Variants in KMT2C observed in about 807,000 individuals in gnomAD.
The protein encoded by KMT2C is lysine methyltransferase 2C, also known as histone-lysine N-methyltransferase 2C.
In KMT2C, 88 loss-of-function variants were observed where a neutral mutation model predicts 507.9. That is an observed-to-expected ratio of 0.17 (90% CI 0.15 to 0.21). The LOEUF is 0.21. Ranked by LOEUF, KMT2C falls within the 10% of genes least tolerant of loss-of-function variation. The pLI, the probability that KMT2C is intolerant of heterozygous loss-of-function variation, is 1.00. For synonymous variants in KMT2C, 2,049 were observed against 2,080.8 expected (o/e 0.98, Z 0.42); for missense variants, 4,954 against 5,957.8 (o/e 0.83, Z 5.55).
rs1227539104 is a variant in KMT2C, at chr7:152,146,731, G to A, written c.13899C>T (p.Val4633=). The change falls in exon 53 of 59, where the codon GTC becomes GTT. Residue 4633 remains valine (V), a synonymous_variant. Transcript: ENST00000262189. ...LVLSDISPKG[V]WDKILEPVAC... Reference sequence around the variant, plus strand: ...CCACAGGCTCCAAAATCTTATCCCAGACACCTACACAGGGACAAAAACATA... The same window carrying A: ...CCACAGGCTCCAAAATCTTATCCCAAACACCTACACAGGGACAAAAACATA... 1.6e-5 allele frequency: 26 copies of A among 1,613,510 alleles called. No individual in the cohort carries two copies. The highest frequency in any genetic ancestry group is 2.1e-5 in the Non-Finnish European group (25 of 1,179,802).
chr7:152,425,097 A>G (rs2097803406), intron 1 of KMT2C, among the ~76,000 whole-genome samples: 1 of 152,192 alleles, frequency 6.6e-6, no homozygotes, highest in Admixed American at 6.6e-5. Flanking sequence ...CTACACCAAT[A>G]CAGTAGACTA....
chr7:152,173,348 G>C (rs555092771), intron 39 of KMT2C, among the ~76,000 whole-genome samples: 1 of 152,180 alleles, frequency 6.6e-6, no homozygotes, highest in East Asian at 1.9e-4. Flanking sequence ...TTACTTTATT[G>C]ACAGAGGTTC....
chr7:152,172,580 G>A (rs796632096), intron 39 of KMT2C, among the ~76,000 whole-genome samples: 3 of 152,072 alleles, frequency 2.0e-5, no homozygotes, highest in African/African-American at 2.4e-5. Context: ...CCTGTGATCC[G>A]AGCTACTCCA....
intron 43 of KMT2C, among the ~76,000 whole-genome samples, chr7:152,160,258 T>A (rs565776800): frequency 1.1e-4 from 17 of 152,324 alleles, no homozygotes; most frequent in African/African-American, 4.1e-4. Flanking sequence ...AGGCTAGTTC[T>A]GTGGCTCTCA....
In KMT2C at chr7:152,151,476, C is replaced by T. The variant is rs780271402; in HGVS notation, c.12632G>A (p.Arg4211Gln). The T allele has an allele frequency of 9.3e-6, 15 of 1,613,926 alleles. No individual in the cohort carries two copies. Among genetic ancestry groups the T allele is most frequent in the African/African-American group, 2.7e-5 (2 of 74,916 alleles). The change falls in exon 50 of 59, where the codon CGG becomes CAG. Residue 4211 changes from arginine (R) to glutamine (Q), a missense_variant. Physicochemically the swap from Arg to Gln is conservative, Grantham distance 43 (BLOSUM62 1). Transcript: ENST00000262189. ...AAGGGTCAGATCTTTGAAAGATTTC[C>T]GCACACCACTTCCAAGAATAACCAC... is the stretch of plus-strand genomic sequence containing the variant. ...CKVVILGSGV[R>Q]KSFKDLTLLN...
chr7:152,369,148 TC>T (rs1174529386), intron 1 of KMT2C, among the ~76,000 whole-genome samples: 2 of 151,610 alleles, frequency 1.3e-5, no homozygotes, highest in Non-Finnish European at 2.9e-5. Flanking sequence ...CATGGCAAAA[TC>T]CTGTCTCCAC....
At chr7:152,263,267 T>C (rs1340838521) in intron 8 of KMT2C, 137 bp from the exon 9 acceptor site, 3 of 647,318 alleles carry the variant, frequency 4.6e-6, no homozygotes, top group Non-Finnish European at 7.7e-6. Flanking sequence ...CTGCAGATAG[T>C]AACAGAGGTA....
chr7:152,145,617 C>T (rs1023566049), intron 53 of KMT2C, among the ~76,000 whole-genome samples: 7 of 152,190 alleles, frequency 4.6e-5, no homozygotes, highest in African/African-American at 1.7e-4. Context: ...ACACACAATA[C>T]CCACAAACAC....
intron 3 of KMT2C, among the ~76,000 whole-genome samples, chr7:152,325,163 T>G (rs1479005398): frequency 6.6e-6 from 1 of 152,000 alleles, no homozygotes; most frequent in African/African-American, 2.4e-5. Context: ...TTTCTTTTCT[T>G]TTTTTGAGAT....
intron 1 of KMT2C, among the ~76,000 whole-genome samples, chr7:152,421,130 C>T (rs1178337999): frequency 2.6e-5 from 4 of 151,806 alleles, no homozygotes; most frequent in Non-Finnish European, 4.4e-5. Context: ...GGCCAACAAG[C>T]ATATGAAAAA....
At chr7:152,420,708 G>A (rs975147872) in intron 1 of KMT2C, among the ~76,000 whole-genome samples, 2 of 151,896 alleles carry the variant, frequency 1.3e-5, no homozygotes, top group Admixed American at 1.3e-4. Context: ...GGTGGTGCAC[G>A]CCTGTAGTCC....
At position 152,187,454 on chromosome 7, in the gene KMT2C, G is replaced by C. The variant is rs1185717964; in HGVS notation, c.4816C>G (p.Pro1606Ala). ...DARDKNSAFN[P>A]MASDPNNSWT... ...GAGTTGTTAGGATCACTTGCCATTG[G>C]ATTAAAGGCTGAATTTTTATCCCTG... Residue 1606 changes from proline (P) to alanine (A), a missense_variant, in exon 33 of 59, where the codon CCA becomes GCA. By Grantham distance (27) the Pro-to-Ala change is conservative (BLOSUM62 -1). Around this residue, in one of 29 missense-constraint regions of KMT2C, gnomAD observed 195 missense variants for 183.7 expected, o/e 1.06. Coordinates refer to ENST00000262189, the MANE Select transcript of KMT2C (RefSeq NM_170606.3). The C allele has an allele frequency of 6.2e-7, 1 of 1,613,544 alleles. No homozygotes were observed. Among genetic ancestry groups the C allele is most frequent in the African/African-American group, 1.3e-5 (1 of 74,964 alleles).
chr7:152,150,865 C>T (rs1410350254), intron 51 of KMT2C, 35 bp downstream of exon 51: 7 of 1,377,808 alleles, frequency 5.1e-6, no homozygotes, highest in Non-Finnish European at 7.3e-6. Flanking sequence ...TCACTCGTTA[C>T]ACATTGTTAT....
Position 152,195,416 on chromosome 7 carries a change from AGCACTACTGATAAACAGCAT to A in KMT2C, c.4378+471_4378+490del. 3 of 361,872 alleles carry A rather than the reference AGCACTACTGATAAACAGCAT, an allele frequency of 8.3e-6. 1 individual carries two copies. The highest frequency in any genetic ancestry group is 1.2e-5 in the Non-Finnish European group (3 of 259,976). 22.4% of individuals were successfully genotyped at this position (361,872 alleles called of 1,614,324 possible). ...GCAAAGTATGGATTAGTGACAAATT[AGCACTACTGATAAACAGCAT>A]GCACCTACAGGTTGTTTCAGCTGAA... On this transcript the variant is annotated intron_variant, in intron 28 of 58. Transcript: ENST00000262189.
At chr7:152,170,500 A>C (rs1455748634) in intron 40 of KMT2C, among the ~76,000 whole-genome samples, 1 of 152,152 alleles carries the variant, frequency 6.6e-6, no homozygotes, top group African/African-American at 2.4e-5. Context: ...ATTGTTTTCT[A>C]CTTGCTGTGT....
At chr7:152,420,317 C>A (rs138386904) in intron 1 of KMT2C, among the ~76,000 whole-genome samples, 359 of 152,300 alleles carry the variant, frequency 2.4e-3, no homozygotes, top group Non-Finnish European at 3.6e-3. Context: ...AAGAAATGAA[C>A]CTTTGTGACT....
At chr7:152,338,121 G>T (rs990330496) in intron 2 of KMT2C, among the ~76,000 whole-genome samples, 4 of 152,112 alleles carry the variant, frequency 2.6e-5, no homozygotes, top group Non-Finnish European at 5.9e-5. Context: ...GCCTCCCAAA[G>T]TGCTGGGATT....
intron 1 of KMT2C, among the ~76,000 whole-genome samples, chr7:152,423,025 A>C (rs2097787525): frequency 6.6e-6 from 1 of 151,368 alleles, no homozygotes; most frequent in Non-Finnish European, 1.5e-5. Flanking sequence ...CTCAAAAAAA[A>C]AAAAAGAAAA....
chr7:152,375,943 G>C (rs1300353669), intron 1 of KMT2C, among the ~76,000 whole-genome samples: 1 of 151,916 alleles, frequency 6.6e-6, no homozygotes, highest in Non-Finnish European at 1.5e-5. Context: ...CAGCCTCATC[G>C]GTAGGTGGGA....
Sources: allele counts gnomAD v4.1 joint callset (sites outside exome capture counted in the v4.1 genomes callset), GRCh38; gene constraint gnomAD v4.1.1; regional missense constraint gnomAD v4.1.1; transcripts MANE v1.5; gene names NCBI Gene and HGNC (gene_info 2026-07-23, HGNC 2026-07-21).